SLC25A21: variants seen among roughly 807,000 people sequenced by gnomAD.
SLC25A21 encodes the protein mitochondrial 2-oxodicarboxylate carrier.
Under a neutral mutation model 43.8 loss-of-function variants are expected in SLC25A21, and 47 were observed. The ratio of observed to expected loss-of-function variants is 1.07; its 90% CI spans 0.85 to 1.37. SLC25A21 has a LOEUF of 1.37. SLC25A21 is among the 40% of genes most tolerant of loss of function. SLC25A21 has a pLI of 0.00. For missense variants in SLC25A21, 352 were observed against 350.2 expected (o/e 1.00, Z -0.04); for synonymous variants, 131 against 121.3 (o/e 1.08, Z -0.52).
chr14:36,679,892 T>G lies in SLC25A21; in HGVS notation c.*766A>C, dbSNP rs1882129161. 1 of 966,302 alleles carries G rather than the reference T, an allele frequency of 1.0e-6. No homozygotes were observed. The highest frequency in any genetic ancestry group is 1.2e-6 in the Non-Finnish European group (1 of 812,766). The allele number at this position is 966,302 out of a possible 1,614,324, so 59.9% of individuals were successfully genotyped here. The stretch of plus-strand genomic sequence containing the variant: ...ACTATGTGGAGGAAAGTAAATTTTA[T>G]TTCATGTTTCCTACTTGTGTTAGAA... On this transcript the variant is annotated 3_prime_UTR_variant, in exon 10 of 10. Transcript: ENST00000331299.
At chr14:36,731,391 C>T (rs1256483679) in intron 4 of SLC25A21, among the ~76,000 whole-genome samples, 1 of 152,162 alleles carries the variant, frequency 6.6e-6, no homozygotes, top group African/African-American at 2.4e-5. Flanking sequence ...GCTGTGAAAG[C>T]ACAGGAAAGC....
intron 3 of SLC25A21, among the ~76,000 whole-genome samples, chr14:36,772,028 C>T (rs534047245): frequency 1.3e-5 from 2 of 152,196 alleles, no homozygotes; most frequent in African/African-American, 4.8e-5. Context: ...TTCCTTGGGG[C>T]CAACGAACAG....
chr14:36,939,200 C>T (rs538159474), intron 1 of SLC25A21, among the ~76,000 whole-genome samples: 28 of 151,818 alleles, frequency 1.8e-4, no homozygotes, highest in African/African-American at 5.3e-4. Context: ...AATTTGTGGT[C>T]GGACTCATCC....
At chr14:36,799,825 A>G (rs1205808943) in intron 3 of SLC25A21, among the ~76,000 whole-genome samples, 1 of 152,192 alleles carries the variant, frequency 6.6e-6, no homozygotes, top group Non-Finnish European at 1.5e-5. Flanking sequence ...CACTTAGCAA[A>G]GCACTCAGCA....
chr14:36,730,613 C>T (rs759855763), intron 4 of SLC25A21, among the ~76,000 whole-genome samples: 2 of 152,156 alleles, frequency 1.3e-5, no homozygotes, highest in Non-Finnish European at 2.9e-5. Flanking sequence ...GTTTGGGCAG[C>T]CCAAGAATCG....
intron 2 of SLC25A21, among the ~76,000 whole-genome samples, chr14:36,860,189 G>A (rs1890028618): frequency 6.6e-6 from 1 of 151,534 alleles, no homozygotes; most frequent in South Asian, 2.1e-4. Context: ...GGCAGCCAAA[G>A]AAGTTTCTCT....
chr14:36,716,957 T>C (rs901518142), intron 6 of SLC25A21, among the ~76,000 whole-genome samples: 2 of 152,166 alleles, frequency 1.3e-5, no homozygotes, highest in African/African-American at 4.8e-5. Context: ...TGAAAGCCAA[T>C]GGAATACGGG....
intron 1 of SLC25A21, among the ~76,000 whole-genome samples, chr14:37,075,376 T>C (rs1350686116): frequency 6.6e-6 from 1 of 152,190 alleles, no homozygotes; most frequent in African/African-American, 2.4e-5. Context: ...TTAAATTTTA[T>C]CTACCTTTGA....
chr14:37,141,828 G>A (rs535133981), intron 1 of SLC25A21, among the ~76,000 whole-genome samples: 10 of 151,982 alleles, frequency 6.6e-5, no homozygotes, highest in African/African-American at 1.4e-4. Context: ...CTACATTTTC[G>A]TCTGAGTACT....
At chr14:36,729,617 ACT>A in intron 4 of SLC25A21, 51 bp from the exon 5 acceptor site, 2 of 1,480,220 alleles carry the variant, frequency 1.4e-6, no homozygotes, top group Non-Finnish European at 1.8e-6. Context: ...CCTGCAACAA[ACT>A]CTTTAATTGA....
At chr14:37,021,931 G>C (rs143530598) in intron 1 of SLC25A21, among the ~76,000 whole-genome samples, 17 of 151,982 alleles carry the variant, frequency 1.1e-4, no homozygotes, top group Non-Finnish European at 2.4e-4. Context: ...CTGTACTAAT[G>C]CCTCCTTGGA....
At chr14:36,884,033 A>G (rs1250568018) in intron 1 of SLC25A21, among the ~76,000 whole-genome samples, 1 of 152,170 alleles carries the variant, frequency 6.6e-6, no homozygotes, top group Non-Finnish European at 1.5e-5. Context: ...TATGGAATGC[A>G]TTATTATTAA....
intron 1 of SLC25A21, among the ~76,000 whole-genome samples, chr14:37,068,904 G>A (rs972082243): frequency 6.6e-6 from 1 of 152,168 alleles, no homozygotes; most frequent in Non-Finnish European, 1.5e-5. Flanking sequence ...GCCAGGCGCG[G>A]TGGCTCACGC....
At chr14:36,943,521 C>T (rs1566758531) in intron 1 of SLC25A21, among the ~76,000 whole-genome samples, 1 of 152,110 alleles carries the variant, frequency 6.6e-6, no homozygotes, top group Non-Finnish European at 1.5e-5. Context: ...ATGTCTTAGA[C>T]ATGTAGGGGT....
chr14:37,145,476 C>CACACACAGAGAG (rs780734735), intron 1 of SLC25A21, among the ~76,000 whole-genome samples: 33 of 143,674 alleles, frequency 2.3e-4, no homozygotes, highest in African/African-American at 5.8e-4. Context: ...CACACACACA[C>CACACACAGAGAG]AGAGAGATGA....
intron 1 of SLC25A21, among the ~76,000 whole-genome samples, chr14:36,886,478 T>A (rs1890915758): frequency 6.6e-6 from 1 of 152,238 alleles, no homozygotes; most frequent in South Asian, 2.1e-4. Context: ...TTAGCATGTG[T>A]CTATAGGGAA....
chr14:37,132,563 C>A (rs2138907676), intron 1 of SLC25A21, among the ~76,000 whole-genome samples: 1 of 152,298 alleles, frequency 6.6e-6, no homozygotes, highest in Non-Finnish European at 1.5e-5. Context: ...ACTTCCTTGA[C>A]ATGTTCTGTA....
At chr14:37,108,001 G>T (rs1962946574) in intron 1 of SLC25A21, among the ~76,000 whole-genome samples, 1 of 152,034 alleles carries the variant, frequency 6.6e-6, no homozygotes, top group Non-Finnish European at 1.5e-5. Flanking sequence ...ACAATACATT[G>T]TATAGTCCAT....
chr14:37,036,883 C>G (rs1039150295), intron 1 of SLC25A21, among the ~76,000 whole-genome samples: 1 of 152,154 alleles, frequency 6.6e-6, no homozygotes, highest in Non-Finnish European at 1.5e-5. Flanking sequence ...ATCATCTACC[C>G]GGAGAATGAG....
Sources: allele counts gnomAD v4.1 joint callset (sites outside exome capture counted in the v4.1 genomes callset), GRCh38; gene constraint gnomAD v4.1.1; transcripts MANE v1.5; gene names NCBI Gene and HGNC (gene_info 2026-07-23, HGNC 2026-07-21).